Variants in PMEPA1 observed in about 807,000 individuals in gnomAD.
The protein encoded by PMEPA1 is prostate transmembrane protein, androgen induced 1.
In PMEPA1, 11 loss-of-function variants were observed where a neutral mutation model predicts 23.0. The observed-to-expected ratio is 0.48, with a 90% CI of 0.30 to 0.79. The LOEUF is 0.79. Ranked by LOEUF, PMEPA1 falls within the 30% of genes least tolerant of loss-of-function variation. The pLI is 0.06. For missense variants in PMEPA1, 377 were observed against 390.9 expected (o/e 0.96, Z 0.30); for synonymous variants, 204 against 166.4 (o/e 1.23, Z -1.74).
chr20:57,684,301 G>T (rs898509977), intron 1 of PMEPA1, among the ~76,000 whole-genome samples: 1 of 152,174 alleles, frequency 6.6e-6, no homozygotes, highest in Non-Finnish European at 1.5e-5. Flanking sequence ...CTAGCTGGGA[G>T]GGGGGCAGGG....
intron 1 of PMEPA1, among the ~76,000 whole-genome samples, chr20:57,667,925 C>T (rs951703671): frequency 3.9e-5 from 6 of 152,200 alleles, no homozygotes; most frequent in African/African-American, 1.4e-4. Flanking sequence ...CTGATCACTC[C>T]TGGTGCCATT....
chr20:57,690,243 T>C (rs537900401), intron 1 of PMEPA1: 16 of 426,008 alleles, frequency 3.8e-5, no homozygotes, highest in South Asian at 2.3e-4. Flanking sequence ...CCTCACCTCT[T>C]AGCGAAGAGA....
intron 1 of PMEPA1, among the ~76,000 whole-genome samples, chr20:57,705,456 G>A (rs6025734): frequency 0.046 from 7,062 of 152,274 alleles, 397 homozygotes; most frequent in African/African-American, 0.13. Flanking sequence ...AGCTGGTGTT[G>A]GACATCTGTA....
At chr20:57,698,720 C>T (rs1320653030) in intron 1 of PMEPA1, among the ~76,000 whole-genome samples, 1 of 152,202 alleles carries the variant, frequency 6.6e-6, no homozygotes, top group African/African-American at 2.4e-5. Flanking sequence ...GTTCCCAGAC[C>T]TGTGCAAAGC....
intron 1 of PMEPA1, among the ~76,000 whole-genome samples, chr20:57,662,123 G>A (rs375741438): frequency 2.6e-5 from 4 of 152,166 alleles, no homozygotes; most frequent in African/African-American, 4.8e-5. Context: ...CTGGGGCCAC[G>A]TCTGCACCCA....
At chr20:57,684,268 G>T (rs1362987412) in intron 1 of PMEPA1, among the ~76,000 whole-genome samples, 1 of 152,086 alleles carries the variant, frequency 6.6e-6, no homozygotes, top group Non-Finnish European at 1.5e-5. Context: ...GTTTTCACGG[G>T]TGGGGGTCGG....
intron 1 of PMEPA1, among the ~76,000 whole-genome samples, chr20:57,663,809 C>G (rs146147063): frequency 6.6e-6 from 1 of 152,166 alleles, no homozygotes; most frequent in African/African-American, 2.4e-5. Flanking sequence ...AGCCAGCAGC[C>G]GGGTCACCCC....
At chr20:57,659,457 G>A (rs1184450499) in intron 2 of PMEPA1, 86 bp downstream of exon 2, 4 of 1,391,826 alleles carry the variant, frequency 2.9e-6, no homozygotes, top group Non-Finnish European at 3.0e-6. Context: ...TCCTGCAAAC[G>A]CTGCCATTGG....
chr20:57,657,124 A>G (rs6025709), intron 2 of PMEPA1, among the ~76,000 whole-genome samples: 4,331 of 152,232 alleles, frequency 0.028, 132 homozygotes, highest in African/African-American at 0.079. Flanking sequence ...CTCCTGCTCC[A>G]CAACAGTGAA....
rs1164018379 is a variant in PMEPA1 at position 57,650,064 on chromosome 20, T to C, written c.*1989A>G. On this transcript the variant is annotated 3_prime_UTR_variant, in exon 4 of 4. Transcript: ENST00000341744. ...GACTTCACGGAGAGGCAGGTTCTGC[T>C]GTTGCCAATGAACGAGAACTTTCTA... 1.3e-5 allele frequency: 2 copies of C among 152,584 alleles called. No homozygotes were observed. Among genetic ancestry groups the C allele is most frequent in the Non-Finnish European group, 2.9e-5 (2 of 68,054 alleles). The allele number at this position is 152,584 out of a possible 1,614,324, so 9.5% of individuals were successfully genotyped here.
chr20:57,653,222 A>G (rs1294498444), intron 2 of PMEPA1, 136 bp from the exon 3 acceptor site: 5 of 734,268 alleles, frequency 6.8e-6, no homozygotes, highest in African/African-American at 1.7e-5. Context: ...CATCGGAACC[A>G]GCTTCCCCAG....
At chr20:57,666,704 A>T (rs1468512384) in intron 1 of PMEPA1, among the ~76,000 whole-genome samples, 1 of 152,168 alleles carries the variant, frequency 6.6e-6, no homozygotes, top group African/African-American at 2.4e-5. Flanking sequence ...CCCACCTCTG[A>T]GCCAGCGCAG....
chr20:57,659,138 C>T (rs1217391920), intron 2 of PMEPA1, among the ~76,000 whole-genome samples: 2 of 151,810 alleles, frequency 1.3e-5, no homozygotes, highest in African/African-American at 2.4e-5. Context: ...TCCCAGTGGT[C>T]GCATCTCCTG....
intron 1 of PMEPA1, chr20:57,700,159 G>A (rs187246043): frequency 3.4e-4 from 162 of 471,496 alleles, no homozygotes; most frequent in Non-Finnish European, 6.4e-4. Flanking sequence ...ATGCTGATGC[G>A]ACTTGCATAC....
rs2071967638 is a variant in PMEPA1, at chr20:57,698,247, G to A, written c.109+11227C>T. ...GAGTGGTGTTTAAAGGCTGGTTGGT[G>A]TTATTTCATTGGTTATATTCACCCA... is the stretch of plus-strand genomic sequence containing the variant. On this transcript the variant is annotated intron_variant, in intron 1 of 3. Coordinates refer to ENST00000341744, the MANE Select transcript of PMEPA1 (RefSeq NM_020182.5). Among the ~76,000 whole-genome samples, 6 of 152,248 alleles carry A rather than the reference G, an allele frequency of 3.9e-5. No individual in the cohort carries two copies. In the South Asian group the frequency reaches 1.2e-3, roughly 32 times the overall value.
In PMEPA1 at chr20:57,680,667, C is replaced by G. The variant is rs557543091; in HGVS notation, c.110-20970G>C. Among the ~76,000 whole-genome samples, 5 of 152,346 alleles carry G rather than the reference C, an allele frequency of 3.3e-5. No individual in the cohort carries two copies. The South Asian group carries it at 1.0e-3, about 32-fold the overall frequency. On this transcript the variant is annotated intron_variant, in intron 1 of 3. Transcript: ENST00000341744. ...GTGAAGACAGAAGCAGGGACTGAAA[C>G]CACACACAACCGGTTTGAAGAATAA...
At chr20:57,671,681 TA>T (rs1482580391) in intron 1 of PMEPA1, among the ~76,000 whole-genome samples, 3 of 152,160 alleles carry the variant, frequency 2.0e-5, no homozygotes, top group Admixed American at 6.5e-5. Context: ...ATGAGGCCAT[TA>T]AAACTGATGA....
chr20:57,709,623 G>A lies in PMEPA1; in HGVS notation c.-41C>T. 1.0e-6 allele frequency: 1 copy of A among 977,982 alleles called. No individual in the cohort carries two copies. The highest frequency in any genetic ancestry group is 1.2e-6 in the Non-Finnish European group (1 of 818,450). The allele number at this position is 977,982 out of a possible 1,614,324, so 60.6% of individuals were successfully genotyped here. A position where few individuals can be genotyped will look rare whatever the true frequency, so the allele number is the denominator to read the frequency against. The stretch of plus-strand genomic sequence containing the variant: ...GCGGCGCGGGGCGCGGGGGGCTCGG[G>A]GGCGGCCGGGGGGGGCTCCGGCCGG... On this transcript the variant is annotated 5_prime_UTR_variant, in exon 1 of 4. Transcript: ENST00000341744.
intron 2 of PMEPA1, among the ~76,000 whole-genome samples, chr20:57,658,743 C>T (rs188316001): frequency 6.6e-6 from 1 of 152,296 alleles, no homozygotes; most frequent in African/African-American, 2.4e-5. Context: ...ACCTGGTGTC[C>T]TGTTGCCTCT....
Sources: gnomAD v4.1 joint callset for allele counts (sites outside exome capture counted in the v4.1 genomes callset) on GRCh38, gnomAD v4.1.1 for gene constraint, MANE v1.5 for transcripts, NCBI Gene and HGNC (gene_info 2026-07-23, HGNC 2026-07-21) for gene names.